Variants in ADK observed in about 807,000 individuals in gnomAD.
ADK encodes adenosine kinase.
Under a neutral mutation model 44.7 loss-of-function variants are expected in ADK, and 24 were observed. The observed-to-expected ratio is 0.54, with a 90% CI of 0.39 to 0.76. The LOEUF is 0.76. ADK is among the 30% of genes least tolerant of loss of function. The pLI is 0.00. For missense variants in ADK, 321 were observed against 425.1 expected (o/e 0.76, Z 2.15); for synonymous variants, 128 against 142.6 (o/e 0.90, Z 0.73).
intron 3 of ADK, among the ~76,000 whole-genome samples, chr10:74,237,406 A>C (rs564454352): frequency 2.0e-5 from 3 of 152,142 alleles, no homozygotes; most frequent in South Asian, 2.1e-4. Context: ...TTCTCTTGCT[A>C]TTTCTACCAC....
intron 1 of ADK, among the ~76,000 whole-genome samples, chr10:74,199,041 C>T (rs771761659): frequency 5.3e-5 from 8 of 152,018 alleles, no homozygotes; most frequent in Non-Finnish European, 1.2e-4. Flanking sequence ...ACAAATCGTT[C>T]TATAAAAAGT....
chr10:74,425,858 G>A (rs1299973318), intron 6 of ADK, among the ~76,000 whole-genome samples: 1 of 152,092 alleles, frequency 6.6e-6, no homozygotes, highest in Non-Finnish European at 1.5e-5. Context: ...CCCAGCATTT[G>A]TTGTTGTTTT....
In ADK at chr10:74,620,350, C is replaced by T. The variant is rs148858931; in HGVS notation, c.877+19857C>T. Among the ~76,000 whole-genome samples the T allele has an allele frequency of 1.9e-4, 29 of 152,248 alleles. 1 individual carries two copies. The highest frequency in any genetic ancestry group is 1.3e-3 in the East Asian group (7 of 5,188). On this transcript the variant is annotated intron_variant, in intron 9 of 10. Transcript: ENST00000539909. The stretch of plus-strand genomic sequence containing the variant: ...ATCAACTTTTTTTAGCTTCCACGTA[C>T]GAGTGAGAATACATAGTGTTTAACT...
intron 1 of ADK, among the ~76,000 whole-genome samples, chr10:74,173,732 A>G (rs578056110): frequency 1.3e-5 from 2 of 152,232 alleles, no homozygotes; most frequent in South Asian, 4.1e-4. Flanking sequence ...CCTGGCTTTA[A>G]TTTGAAAATT....
Position 74,324,442 on chromosome 10 carries a change from C to G in ADK, c.273+9697C>G, listed in dbSNP as rs148012423. Among the ~76,000 whole-genome samples, 1,160 of 152,306 alleles carry G rather than the reference C, an allele frequency of 7.6e-3. 14 individuals carry two copies. The highest frequency in any genetic ancestry group is 0.027 in the African/African-American group (1,119 of 41,568). ...CAAGCCTCTGATAAACACCATTTTA[C>G]TTTCTCCTTCTATGAGATCAGCTTT... On this transcript the variant is annotated intron_variant, in intron 4 of 10. Transcript: ENST00000539909.
intron 7 of ADK, among the ~76,000 whole-genome samples, chr10:74,558,038 C>G (rs1442930925): frequency 6.6e-6 from 1 of 152,120 alleles, no homozygotes; most frequent in South Asian, 2.1e-4. Context: ...TGCACTGGGT[C>G]AGAGTGACCA....
intron 4 of ADK, among the ~76,000 whole-genome samples, chr10:74,381,824 C>T (rs540055115): frequency 7.9e-5 from 12 of 152,250 alleles, no homozygotes; most frequent in African/African-American, 2.2e-4. Flanking sequence ...TGTCAATAAA[C>T]TTTGACTTGA....
intron 4 of ADK, among the ~76,000 whole-genome samples, chr10:74,356,005 T>TG (rs1564672588): frequency 2.9e-4 from 35 of 121,678 alleles, no homozygotes; most frequent in East Asian, 1.2e-3. Flanking sequence ...ATAATTCATT[T>TG]TTTTTTTTTT....
chr10:74,565,284 C>T (rs1363562481), intron 7 of ADK, among the ~76,000 whole-genome samples: 1 of 152,206 alleles, frequency 6.6e-6, no homozygotes, highest in African/African-American at 2.4e-5. Flanking sequence ...ATATCCTTAA[C>T]ATGTGCTTTT....
At chr10:74,162,095 A>C (rs1437212473) in intron 1 of ADK, among the ~76,000 whole-genome samples, 1 of 151,968 alleles carries the variant, frequency 6.6e-6, no homozygotes, top group African/African-American at 2.4e-5. Flanking sequence ...ATCTTGGCTC[A>C]CTGCAACCCC....
chr10:74,526,726 A>G (rs191884232), intron 7 of ADK, among the ~76,000 whole-genome samples: 1 of 152,344 alleles, frequency 6.6e-6, no homozygotes, highest in Admixed American at 6.5e-5. Context: ...AGGAAATGCT[A>G]TATTCTTGAT....
At chr10:74,174,889 T>G (rs1842277928) in intron 1 of ADK, among the ~76,000 whole-genome samples, 1 of 152,352 alleles carries the variant, frequency 6.6e-6, no homozygotes, top group Non-Finnish European at 1.5e-5. Flanking sequence ...CTAAAGAAAC[T>G]TGAAATCTTC....
At chr10:74,333,848 G>C (rs1167617093) in intron 4 of ADK, among the ~76,000 whole-genome samples, 1 of 152,146 alleles carries the variant, frequency 6.6e-6, no homozygotes. Flanking sequence ...ACTGAAAGTA[G>C]ACGTATGCAG....
chr10:74,277,295 T>C (rs1376788991), intron 3 of ADK, among the ~76,000 whole-genome samples: 3 of 152,252 alleles, frequency 2.0e-5, no homozygotes, highest in African/African-American at 7.2e-5. Flanking sequence ...CTTAAGTCTA[T>C]ACATTTTTCT....
intron 6 of ADK, among the ~76,000 whole-genome samples, chr10:74,431,268 G>A (rs1191421747): frequency 6.6e-6 from 1 of 152,110 alleles, no homozygotes; most frequent in African/African-American, 2.4e-5. Context: ...GGTTCCAAGA[G>A]AATGATTACA....
intron 7 of ADK, among the ~76,000 whole-genome samples, chr10:74,541,527 T>A (rs1236472036): frequency 6.6e-6 from 1 of 152,136 alleles, no homozygotes; most frequent in African/African-American, 2.4e-5. Flanking sequence ...TCCTGACTGG[T>A]TTTTTGTAGA....
chr10:74,268,329 G>A (rs1367602476), intron 3 of ADK, among the ~76,000 whole-genome samples: 1 of 151,514 alleles, frequency 6.6e-6, no homozygotes. Flanking sequence ...TTAAGAAACA[G>A]CAACACCCCC....
At chr10:74,163,116 G>A (rs1251189637) in intron 1 of ADK, among the ~76,000 whole-genome samples, 2 of 151,914 alleles carry the variant, frequency 1.3e-5, no homozygotes, top group African/African-American at 2.4e-5. Flanking sequence ...ACAGGTGCCC[G>A]CTACCACACC....
chr10:74,436,755 C>T (rs1317049291), intron 6 of ADK, among the ~76,000 whole-genome samples: 1 of 152,158 alleles, frequency 6.6e-6, no homozygotes, highest in African/African-American at 2.4e-5. Flanking sequence ...ATACAAAAAT[C>T]GAGTAAATGG....
Sources: gnomAD v4.1 joint callset for allele counts (sites outside exome capture counted in the v4.1 genomes callset) on GRCh38, gnomAD v4.1.1 for gene constraint, MANE v1.5 for transcripts, NCBI Gene and HGNC (gene_info 2026-07-23, HGNC 2026-07-21) for gene names.